TENM3: variants seen among roughly 807,000 people sequenced by gnomAD.
TENM3 encodes the protein teneurin-3.
Under a neutral mutation model 255.1 loss-of-function variants are expected in TENM3, and 63 were observed. The ratio of observed to expected loss-of-function variants is 0.25; its 90% CI spans 0.20 to 0.30. The LOEUF is 0.30. TENM3 is among the 10% of genes least tolerant of loss of function. The probability of loss-of-function intolerance (pLI) is 1.00; values close to 1 mark genes in which losing one functional copy is unlikely to be tolerated. For missense variants in TENM3, 2,929 were observed against 3,461.1 expected (o/e 0.85, Z 3.86); for synonymous variants, 1,306 against 1,322.3 (o/e 0.99, Z 0.27).
At chr4:182,446,613 C>G (rs1772932752) in intron 3 of TENM3, among the ~76,000 whole-genome samples, 1 of 151,938 alleles carries the variant, frequency 6.6e-6, no homozygotes, top group Non-Finnish European at 1.5e-5. Flanking sequence ...AGACAAGCCC[C>G]CAGGTCCTAG....
At chr4:181,501,966 C>A in the TENM3 span, among the ~76,000 whole-genome samples, 1 of 152,166 alleles carries the variant, frequency 6.6e-6, no homozygotes, top group Non-Finnish European at 1.5e-5. Flanking sequence ...GCCCAGGACA[C>A]TCACAAGCAT....
the TENM3 span, among the ~76,000 whole-genome samples, chr4:182,031,789 T>C: frequency 6.6e-6 from 1 of 152,218 alleles, no homozygotes; most frequent in Non-Finnish European, 1.5e-5. Context: ...GCTGTATTCC[T>C]AGGTATTTTA....
chr4:181,850,888 C>G, the TENM3 span, among the ~76,000 whole-genome samples: 15 of 152,252 alleles, frequency 9.9e-5, no homozygotes, highest in African/African-American at 3.6e-4. Flanking sequence ...TTCTCCTTCA[C>G]TCCATTCCAC....
At chr4:182,522,390 A>G (rs1392524090) in intron 3 of TENM3, among the ~76,000 whole-genome samples, 1 of 152,064 alleles carries the variant, frequency 6.6e-6, no homozygotes, top group East Asian at 1.9e-4. Flanking sequence ...CTCTACCTCC[A>G]TGAGATCCAC....
chr4:181,983,103 A>G, the TENM3 span, among the ~76,000 whole-genome samples: 3 of 152,192 alleles, frequency 2.0e-5, no homozygotes, highest in African/African-American at 7.2e-5. Flanking sequence ...AAAGAAGAAT[A>G]GGAAGACATT....
chr4:182,703,530 C>T (rs1054513862), intron 12 of TENM3, among the ~76,000 whole-genome samples: 3 of 152,172 alleles, frequency 2.0e-5, no homozygotes, highest in African/African-American at 4.8e-5. Context: ...TTTGTGTCAC[C>T]AGCATCAGCT....
At chr4:181,566,452 G>T in the TENM3 span, among the ~76,000 whole-genome samples, 1 of 152,262 alleles carries the variant, frequency 6.6e-6, no homozygotes, top group African/African-American at 2.4e-5. Context: ...TATTCTGCTT[G>T]ATTGAAGAGC....
the TENM3 span, among the ~76,000 whole-genome samples, chr4:181,467,266 C>T: frequency 0.91 from 134,881 of 148,830 alleles, 61,676 homozygotes; most frequent in Non-Finnish European, 0.98. Flanking sequence ...AGGTGGTAGC[C>T]GGGATTACAA....
At chr4:182,482,648 C>G (rs959642830) in intron 3 of TENM3, among the ~76,000 whole-genome samples, 6 of 152,182 alleles carry the variant, frequency 3.9e-5, no homozygotes, top group African/African-American at 1.4e-4. Flanking sequence ...GTGAAAATGT[C>G]TACACATAGG....
the TENM3 span, among the ~76,000 whole-genome samples, chr4:182,138,793 C>G: frequency 3.9e-5 from 6 of 152,174 alleles, no homozygotes; most frequent in Admixed American, 2.6e-4. Flanking sequence ...GATCTCTTTG[C>G]CTTTTCTCAT....
intron 1 of TENM3, among the ~76,000 whole-genome samples, chr4:182,301,812 C>T (rs1044809446): frequency 3.3e-5 from 5 of 152,150 alleles, no homozygotes; most frequent in Non-Finnish European, 5.9e-5. Context: ...GCTACACTAT[C>T]GCACTGGGAA....
the TENM3 span, among the ~76,000 whole-genome samples, chr4:182,019,840 C>T: frequency 6.6e-6 from 1 of 151,916 alleles, no homozygotes; most frequent in Admixed American, 6.6e-5. Context: ...AATTTTTGTA[C>T]TTTTTTGTAG....
At chr4:182,444,770 C>T (rs1419007235) in intron 3 of TENM3, among the ~76,000 whole-genome samples, 3 of 152,116 alleles carry the variant, frequency 2.0e-5, no homozygotes, top group Admixed American at 1.3e-4. Context: ...TTTATTTAAA[C>T]GGTGAACTAC....
the TENM3 span, among the ~76,000 whole-genome samples, chr4:181,993,028 A>G: frequency 6.6e-6 from 1 of 152,096 alleles, no homozygotes; most frequent in African/African-American, 2.4e-5. Context: ...TTAAAATTAT[A>G]CTTTTATGAT....
At chr4:182,356,701 AT>A (rs1182714410) in intron 3 of TENM3, among the ~76,000 whole-genome samples, 1 of 151,784 alleles carries the variant, frequency 6.6e-6, no homozygotes, top group Non-Finnish European at 1.5e-5. Context: ...TTTTAAATAT[AT>A]TTTTAAAATT....
At chr4:181,562,575 T>G in the TENM3 span, among the ~76,000 whole-genome samples, 3 of 152,198 alleles carry the variant, frequency 2.0e-5, no homozygotes, top group Non-Finnish European at 2.9e-5. Context: ...TTTTTTTCTT[T>G]TGCCCTTATC....
chr4:182,344,157 CAGCCCTGAA>C (rs761208311), intron 2 of TENM3, among the ~76,000 whole-genome samples: 36 of 152,092 alleles, frequency 2.4e-4, no homozygotes, highest in Non-Finnish European at 4.9e-4. Flanking sequence ...CAAGTCAGGA[CAGCCCTGAA>C]AGATGAAAAA....
At chr4:182,351,389 C>G (rs769241073) in intron 3 of TENM3, among the ~76,000 whole-genome samples, 1 of 152,214 alleles carries the variant, frequency 6.6e-6, no homozygotes, top group Non-Finnish European at 1.5e-5. Context: ...GCCGGTGCGA[C>G]GTTGTCACAG....
chr4:181,908,801 T>C, the TENM3 span, among the ~76,000 whole-genome samples: 1 of 152,212 alleles, frequency 6.6e-6, no homozygotes, highest in Admixed American at 6.5e-5. Flanking sequence ...CAGGTTATCA[T>C]AGTTATGTGT....
Sources: gnomAD v4.1 joint callset for allele counts (sites outside exome capture counted in the v4.1 genomes callset) on GRCh38, gnomAD v4.1.1 for gene constraint, MANE v1.5 for transcripts, NCBI Gene and HGNC (gene_info 2026-07-23, HGNC 2026-07-21) for gene names.